Variants in GPHN observed in about 807,000 individuals in gnomAD.
GPHN encodes the protein gephyrin.
GPHN carries 17 observed loss-of-function variants against 95.5 expected under a neutral mutation model. The ratio of observed to expected loss-of-function variants is 0.18; its 90% CI spans 0.12 to 0.27. The LOEUF (loss-of-function observed/expected upper bound fraction) is 0.27. Ranked by LOEUF, GPHN falls within the 10% of genes least tolerant of loss-of-function variation. The pLI, the probability that GPHN is intolerant of heterozygous loss-of-function variation, is 1.00. For missense variants in GPHN, 660 were observed against 978.1 expected, an observed-to-expected ratio of 0.67 and a Z score of 4.34; for synonymous variants, 320 against 322.5, an observed-to-expected ratio of 0.99 and a Z score of 0.08.
At chr14:67,374,785 A>G in the GPHN span, 3 of 337,650 alleles carry the variant, frequency 8.9e-6, no homozygotes, top group East Asian at 9.3e-5. Context: ...GTTTGTTTAA[A>G]TAGAAATGAG....
the GPHN span, chr14:67,333,217 C>T: frequency 9.5e-6 from 3 of 315,516 alleles, no homozygotes; most frequent in African/African-American, 2.1e-5. Context: ...CAGAGCATTC[C>T]ATTTTGTCCT....
At chr14:66,520,165 G>A (rs2058418944) in intron 1 of GPHN, among the ~76,000 whole-genome samples, 1 of 152,076 alleles carries the variant, frequency 6.6e-6, no homozygotes, top group South Asian at 2.1e-4. Context: ...GACAGATGTT[G>A]TAGATAATAA....
the GPHN span, chr14:67,364,198 GTTTAT>G: frequency 6.6e-6 from 1 of 152,126 alleles, no homozygotes; most frequent in African/African-American, 2.4e-5. Context: ...ATGCATTTTA[GTTTAT>G]TTTGTGATTA....
the GPHN span, among the ~76,000 whole-genome samples, chr14:67,361,979 C>T: frequency 1.4e-5 from 2 of 147,100 alleles, no homozygotes; most frequent in African/African-American, 5.0e-5. Context: ...GTTTCCCACT[C>T]TATACTTAAT....
the GPHN span, among the ~76,000 whole-genome samples, chr14:67,316,290 T>C: frequency 6.6e-6 from 1 of 152,146 alleles, no homozygotes; most frequent in Non-Finnish European, 1.5e-5. Context: ...TTTCCATTTA[T>C]ATAATTGGTA....
At chr14:66,661,568 C>T (rs2065651915) in intron 1 of GPHN, among the ~76,000 whole-genome samples, 1 of 152,208 alleles carries the variant, frequency 6.6e-6, no homozygotes, top group African/African-American at 2.4e-5. Context: ...AGCCTGTGGG[C>T]TTTGGAGAGT....
intron 9 of GPHN, among the ~76,000 whole-genome samples, chr14:66,979,124 C>T (rs138366115): frequency 1.5e-4 from 23 of 152,302 alleles, no homozygotes; most frequent in African/African-American, 5.3e-4. Context: ...GTAGATTTTG[C>T]ATAATTCTTA....
chr14:67,416,014 C>A, the GPHN span, among the ~76,000 whole-genome samples: 23 of 152,268 alleles, frequency 1.5e-4, no homozygotes, highest in Middle Eastern at 3.4e-3. Context: ...GGAAAAATAG[C>A]TAGTGCATGT....
intron 1 of GPHN, among the ~76,000 whole-genome samples, chr14:66,516,758 T>TA (rs1336516743): frequency 2.6e-5 from 4 of 152,186 alleles, no homozygotes; most frequent in Non-Finnish European, 4.4e-5. Flanking sequence ...CTTGTTCTTT[T>TA]AAAAAACACA....
At chr14:66,628,028 G>T (rs1472335798) in intron 1 of GPHN, among the ~76,000 whole-genome samples, 2 of 152,092 alleles carry the variant, frequency 1.3e-5, no homozygotes, top group African/African-American at 4.8e-5. Context: ...AAAAGAGTCA[G>T]TCAGCTCTTG....
chr14:67,639,065 A>G, the GPHN span, among the ~76,000 whole-genome samples: 3 of 152,370 alleles, frequency 2.0e-5, no homozygotes, highest in African/African-American at 7.2e-5. Context: ...AGCACCTGTA[A>G]TGAGAGCAGA....
At chr14:66,694,895 C>T (rs1176754092) in intron 2 of GPHN, among the ~76,000 whole-genome samples, 5 of 152,200 alleles carry the variant, frequency 3.3e-5, no homozygotes, top group East Asian at 1.9e-4. Flanking sequence ...CAGTGGCTCA[C>T]GCCTGTAATC....
the GPHN span, among the ~76,000 whole-genome samples, chr14:67,286,005 AGAG>A: frequency 2.0e-5 from 3 of 152,218 alleles, no homozygotes; most frequent in Non-Finnish European, 2.9e-5. Flanking sequence ...GTGAAATATT[AGAG>A]AAGATGGGAG....
chr14:67,645,681 GCC>G, the GPHN span: 2 of 1,613,836 alleles, frequency 1.2e-6, no homozygotes, highest in Admixed American at 3.3e-5. Flanking sequence ...GCCCGACACT[GCC>G]CAGACCTTTG....
the GPHN span, chr14:67,555,749 C>T: frequency 6.3e-7 from 1 of 1,575,744 alleles, no homozygotes; most frequent in South Asian, 1.2e-5. Flanking sequence ...GTGCACAGTT[C>T]TCTAAAGTGG....
At chr14:66,724,616 C>A (rs1169683984) in intron 2 of GPHN, among the ~76,000 whole-genome samples, 1 of 152,080 alleles carries the variant, frequency 6.6e-6, no homozygotes, top group African/African-American at 2.4e-5. Context: ...AGGGATGTGC[C>A]TTTCCTTCAG....
chr14:66,576,793 A>T (rs987932341), intron 1 of GPHN, among the ~76,000 whole-genome samples: 5 of 152,184 alleles, frequency 3.3e-5, no homozygotes, highest in Non-Finnish European at 7.4e-5. Flanking sequence ...AGTGCTGGCT[A>T]TCTTCTGTAT....
At chr14:67,350,808 T>C in the GPHN span, 1 of 974,098 alleles carries the variant, frequency 1.0e-6, no homozygotes. Context: ...ATGTAAATAT[T>C]GGTTTGATAA....
chr14:67,420,378 G>C, the GPHN span, among the ~76,000 whole-genome samples: 1 of 152,230 alleles, frequency 6.6e-6, no homozygotes, highest in Non-Finnish European at 1.5e-5. Context: ...AATATCCAAG[G>C]CAGAGCTGTG....
Sources: allele counts gnomAD v4.1 joint callset (sites outside exome capture counted in the v4.1 genomes callset), GRCh38; gene constraint gnomAD v4.1.1; transcripts MANE v1.5; gene names NCBI Gene and HGNC (gene_info 2026-07-23, HGNC 2026-07-21).